The following ATP11A variants were observed in gnomAD, a reference collection of about 807,000 sequenced individuals.
ATP11A encodes ATPase phospholipid transporting 11A.
ATP11A carries 81 observed loss-of-function variants against 154.4 expected under a neutral mutation model. The observed-to-expected ratio is 0.52, with a 90% CI of 0.44 to 0.63. The LOEUF is 0.63. Among genes scored for constraint, ATP11A ranks in the 30% least tolerant of loss-of-function variants. ATP11A has a pLI of 0.00. For missense variants in ATP11A, 1,316 were observed against 1,474.3 expected (o/e 0.89, Z 1.76); for synonymous variants, 623 against 585.9 (o/e 1.06, Z -0.91).
intron 1 of ATP11A, among the ~76,000 whole-genome samples, chr13:112,727,052 T>G (rs4907748): frequency 0.016 from 2,490 of 152,290 alleles, 42 homozygotes; most frequent in African/African-American, 0.044. Context: ...TGCTGCTGCT[T>G]CTTTTTTTTT....
chr13:112,823,469 G>C lies in ATP11A; in HGVS notation c.790+60G>C, dbSNP rs1321102323. On this transcript the variant is annotated intron_variant, in intron 9 of 29. Transcript: ENST00000375645. Reference sequence around the variant, plus strand: ...AACATTAAGGATGCATGAAGCAAAAGTTAAAACCCGCAGCGGAACCCGAGA... The same window carrying C: ...AACATTAAGGATGCATGAAGCAAAACTTAAAACCCGCAGCGGAACCCGAGA... 3 of 1,405,038 alleles carry C rather than the reference G, an allele frequency of 2.1e-6. No individual in the cohort carries two copies. In the East Asian group the frequency reaches 7.0e-5, roughly 33 times the overall value. The allele number at this position is 1,405,038 out of a possible 1,614,324, so 87.0% of individuals were successfully genotyped here.
intron 25 of ATP11A, 61 bp downstream of exon 25, chr13:112,862,636 T>C: frequency 6.2e-7 from 1 of 1,606,382 alleles, no homozygotes; most frequent in South Asian, 1.1e-5. Flanking sequence ...CCCAAGCCCA[T>C]ATGATGATTT....
At chr13:112,773,063 G>GA (rs2077263111) in intron 1 of ATP11A, among the ~76,000 whole-genome samples, 1 of 152,110 alleles carries the variant, frequency 6.6e-6, no homozygotes, top group Non-Finnish European at 1.5e-5. Flanking sequence ...GTCTGGGAGG[G>GA]ACTCAGGAGC....
intron 1 of ATP11A, among the ~76,000 whole-genome samples, chr13:112,711,636 G>A (rs1887765502): frequency 6.6e-6 from 1 of 152,140 alleles, no homozygotes; most frequent in African/African-American, 2.4e-5. Flanking sequence ...TCCCGTCAGC[G>A]GGCACCGTGC....
chr13:112,764,327 C>T (rs1371096636), intron 1 of ATP11A, among the ~76,000 whole-genome samples: 1 of 149,398 alleles, frequency 6.7e-6, no homozygotes, highest in Admixed American at 6.6e-5. Context: ...TTCCTTGTGT[C>T]TGTCACAGAC....
At chr13:112,876,119 G>A (rs2080717607) in intron 28 of ATP11A, 178 bp downstream of exon 28, 2 of 554,626 alleles carry the variant, frequency 3.6e-6, no homozygotes, top group Non-Finnish European at 5.6e-6. Flanking sequence ...CATTTGCGAT[G>A]ACCGATGTCT....
Position 112,884,161 on chromosome 13 carries a change from A to G in ATP11A, c.*2295A>G, listed in dbSNP as rs2080938827. ...AGATTTGATTTTATTCTCTACACAC[A>G]CCTCTTCTTTTCTTGGTATTTCTGG... On this transcript the variant is annotated 3_prime_UTR_variant, in exon 30 of 30. Transcript: ENST00000375645. 1 of 152,438 alleles carries G rather than the reference A, an allele frequency of 6.6e-6. No individual in the cohort carries two copies. 9.4% of individuals were successfully genotyped at this position (152,438 alleles called of 1,614,324 possible).
Position 112,831,245 on chromosome 13 carries a change from AGCCTTTAGAAATCCACC to A in ATP11A, c.1222-125_1222-109del, listed in dbSNP as rs555917136. On this transcript the variant is annotated intron_variant, in intron 12 of 29. Coordinates refer to ENST00000375645, the MANE Select transcript of ATP11A (RefSeq NM_015205.3). Reference sequence around the variant, plus strand: ...CAGTGAGGGGGTCTGTCTGGGGGAAAGCCTTTAGAAATCCACCGCCTATTCAAGTCACAGTGGGAGCT... The same window carrying A: ...CAGTGAGGGGGTCTGTCTGGGGGAAAGCCTATTCAAGTCACAGTGGGAGCT... 4.8e-4 allele frequency: 479 copies of A among 1,007,516 alleles called. 7 individuals carry two copies. The South Asian group carries it at 7.0e-3, about 15-fold the overall frequency. The allele number at this position is 1,007,516 out of a possible 1,614,324, so 62.4% of individuals were successfully genotyped here.
intron 1 of ATP11A, among the ~76,000 whole-genome samples, chr13:112,772,023 C>T (rs568978803): frequency 1.2e-4 from 19 of 152,268 alleles, no homozygotes; most frequent in African/African-American, 3.4e-4. Context: ...GACTGCGAGG[C>T]GGCAGCGGCT....
Position 112,860,247 on chromosome 13 carries a change from A to T in ATP11A, c.2728-40A>T, listed in dbSNP as rs753196756. 1.9e-6 allele frequency: 3 copies of T among 1,592,088 alleles called. No homozygotes were observed. In the African/African-American group the frequency reaches 4.0e-5, roughly 21 times the overall value. On this transcript the variant is annotated intron_variant, in intron 23 of 29. Transcript: ENST00000375645. ...CAAAAGATCCAAAAAGTTTGTAACA[A>T]TGCACTGAGGTGCCACTTCTTGTGA...
chr13:112,798,113 C>T (rs1213207049), intron 2 of ATP11A, among the ~76,000 whole-genome samples: 4 of 152,180 alleles, frequency 2.6e-5, no homozygotes, highest in Non-Finnish European at 5.9e-5. Flanking sequence ...CCCTTTTATA[C>T]AGGCACCTAA....
chr13:112,793,733 T>C (rs1157785096), intron 2 of ATP11A, among the ~76,000 whole-genome samples: 1 of 152,204 alleles, frequency 6.6e-6, no homozygotes, highest in Non-Finnish European at 1.5e-5. Context: ...TGTGTTCAGG[T>C]GAACACTAGT....
chr13:112,699,195 A>G (rs1301117576), intron 1 of ATP11A, among the ~76,000 whole-genome samples: 2 of 152,304 alleles, frequency 1.3e-5, no homozygotes, highest in East Asian at 3.9e-4. Flanking sequence ...CTTTCCTTAC[A>G]GTTTTTCTGC....
At chr13:112,766,879 G>GC (rs1566450048) in intron 1 of ATP11A, among the ~76,000 whole-genome samples, 25 of 9,422 alleles carry the variant, frequency 2.7e-3, no homozygotes, top group South Asian at 0.01. Context: ...GTGTGGGAGT[G>GC]CTGGGAGCCC....
At chr13:112,770,753 C>T (rs1481498465) in intron 1 of ATP11A, among the ~76,000 whole-genome samples, 1 of 152,220 alleles carries the variant, frequency 6.6e-6, no homozygotes, top group African/African-American at 2.4e-5. Context: ...ACAGGCTCCA[C>T]GCGCCGCTTC....
Position 112,859,510 on chromosome 13 carries a change from G to A in ATP11A, c.2727+58G>A. The stretch of plus-strand genomic sequence containing the variant: ...TGAGCCTTCTTTTCCTTCCCGCAGT[G>A]GGTGGCTGCTGTGGGGAGGGGAGAC... On this transcript the variant is annotated intron_variant, in intron 23 of 29. Coordinates refer to ENST00000375645, the MANE Select transcript of ATP11A (RefSeq NM_015205.3). The surrounding 1 kb of genome is among the most constrained non-coding windows in gnomAD (Gnocchi z 4.3). The A allele has an allele frequency of 1.4e-6, 2 of 1,442,974 alleles. No homozygotes were observed. Among genetic ancestry groups the A allele is most frequent in the Non-Finnish European group, 9.8e-7 (1 of 1,024,796 alleles). 89.4% of individuals were successfully genotyped at this position (1,442,974 alleles called of 1,614,324 possible).
intron 1 of ATP11A, among the ~76,000 whole-genome samples, chr13:112,776,159 T>G (rs2077344470): frequency 1.3e-5 from 2 of 152,206 alleles, no homozygotes; most frequent in Admixed American, 1.3e-4. Context: ...CATCTGTTAC[T>G]CGTCCTCAAG....
intron 1 of ATP11A, among the ~76,000 whole-genome samples, chr13:112,705,595 G>A (rs1417788708): frequency 1.3e-5 from 2 of 152,192 alleles, no homozygotes; most frequent in African/African-American, 2.4e-5. Flanking sequence ...ACGGGAAGCC[G>A]GCAGGGACCA....
intron 2 of ATP11A, among the ~76,000 whole-genome samples, chr13:112,791,222 C>T (rs754565188): frequency 2.1e-4 from 32 of 152,330 alleles, no homozygotes; most frequent in Non-Finnish European, 2.6e-4. Flanking sequence ...TGTCCACATA[C>T]GGTGCCATTG....
Sources: allele counts gnomAD v4.1 joint callset (sites outside exome capture counted in the v4.1 genomes callset), GRCh38; gene constraint gnomAD v4.1.1; non-coding constraint Gnocchi (gnomAD v3.1); transcripts MANE v1.5; gene names NCBI Gene and HGNC (gene_info 2026-07-23, HGNC 2026-07-21).